The following SDC2 variants were observed in gnomAD, a reference collection of about 807,000 sequenced individuals.
SDC2 encodes syndecan 2.
SDC2 carries 13 observed loss-of-function variants against 22.2 expected under a neutral mutation model. The observed-to-expected ratio is 0.59, with a 90% CI of 0.38 to 0.93. The LOEUF is 0.93. SDC2 is among the 40% of genes least tolerant of loss of function. The pLI is 0.00. For missense variants in SDC2, 235 were observed against 246.8 expected (o/e 0.95, Z 0.32); for synonymous variants, 94 against 92.8 (o/e 1.01, Z -0.07).
At position 96,502,428 on chromosome 8, in the gene SDC2, A is replaced by G. The variant is rs141985575; in HGVS notation, c.60+8097A>G. ...TATATTTTCTGATACAAGCCAGTGT[A>G]ACATAAAGAACAGCTGCGTGGTAAA... On this transcript the variant is annotated intron_variant, in intron 1 of 4. Transcript: ENST00000302190. 6.2e-4 allele frequency among the ~76,000 whole-genome samples: 95 copies of G among 152,330 alleles called. 2 individuals are homozygous for G. Among genetic ancestry groups the G allele is most frequent in the Non-Finnish European group, 2.5e-4 (17 of 68,042 alleles).
rs115090781 is a variant in SDC2, at chr8:96,539,472, T to C, written c.60+45141T>C. On this transcript the variant is annotated intron_variant, in intron 1 of 4. Transcript: ENST00000302190. ...CTGGTTGAATTTATATTTTCAAAAATTATTAAATTATATTAAAGGAAGAGA... is the reference window on the plus strand; with the variant it reads ...CTGGTTGAATTTATATTTTCAAAAACTATTAAATTATATTAAAGGAAGAGA... Among the ~76,000 whole-genome samples, 1,316 of 152,344 alleles carry C rather than the reference T, an allele frequency of 8.6e-3. 25 individuals carry two copies. The highest frequency in any genetic ancestry group is 0.029 in the African/African-American group (1,197 of 41,572).
rs183261100 is a variant in SDC2, at chr8:96,575,143, G to A, written c.61-18337G>A. On this transcript the variant is annotated intron_variant, in intron 1 of 4. Transcript: ENST00000302190. ...GATCGGTATTGGTCTGTGGCCTGGG[G>A]GTTGGGAACCCCTGTTCTAGACAAC... Among the ~76,000 whole-genome samples, 64 of 152,248 alleles carry A rather than the reference G, an allele frequency of 4.2e-4. 2 individuals carry two copies. The East Asian group carries it at 0.01, about 24-fold the overall frequency.
chr8:96,556,437 T>G (rs922422128), intron 1 of SDC2, among the ~76,000 whole-genome samples: 11 of 151,788 alleles, frequency 7.2e-5, no homozygotes, highest in South Asian at 2.1e-4. Context: ...TATAGATCAA[T>G]GGAACAGAAC....
intron 1 of SDC2, among the ~76,000 whole-genome samples, chr8:96,540,319 C>T (rs1813824508): frequency 2.4e-5 from 2 of 84,840 alleles, no homozygotes; most frequent in African/African-American, 6.8e-5. Flanking sequence ...TAGCAAAACC[C>T]TGTCTCTACT....
At chr8:96,593,348 G>C in intron 1 of SDC2, 132 bp from the exon 2 acceptor site, 3 of 625,766 alleles carry the variant, frequency 4.8e-6, no homozygotes, top group Non-Finnish European at 8.5e-6. Flanking sequence ...GAAGACTGTG[G>C]CCAGAGATGT....
intron 1 of SDC2, among the ~76,000 whole-genome samples, chr8:96,533,224 T>G (rs1411552363): frequency 1.3e-5 from 2 of 152,036 alleles, no homozygotes; most frequent in Non-Finnish European, 2.9e-5. Context: ...GCTTCCACAG[T>G]GTGGAAGGGG....
At chr8:96,510,089 G>A (rs567535231) in intron 1 of SDC2, among the ~76,000 whole-genome samples, 43 of 152,270 alleles carry the variant, frequency 2.8e-4, no homozygotes, top group African/African-American at 1.0e-3. Context: ...AGGGACACTC[G>A]TCCTCTTGGT....
At chr8:96,494,370 G>A (rs1287243089) in intron 1 of SDC2, 39 bp downstream of exon 1, 3 of 1,532,234 alleles carry the variant, frequency 2.0e-6, no homozygotes, top group Non-Finnish European at 2.6e-6. Context: ...GCCGTTTAGG[G>A]TGTTTGAAGC....
intron 1 of SDC2, among the ~76,000 whole-genome samples, chr8:96,583,530 G>A (rs1814629195): frequency 6.6e-6 from 1 of 151,162 alleles, no homozygotes; most frequent in African/African-American, 2.4e-5. Flanking sequence ...TGTGCTTTCT[G>A]TGCTTTCAGC....
chr8:96,603,904 T>G (rs1815034788), intron 3 of SDC2, among the ~76,000 whole-genome samples: 1 of 152,162 alleles, frequency 6.6e-6, no homozygotes, highest in Non-Finnish European at 1.5e-5. Flanking sequence ...GCTGGATCCA[T>G]GCATAAAAGC....
chr8:96,569,584 A>G (rs189527895), intron 1 of SDC2, among the ~76,000 whole-genome samples: 2 of 152,364 alleles, frequency 1.3e-5, no homozygotes, highest in Admixed American at 6.5e-5. Context: ...TGAAGCTGTA[A>G]AAGTTGGAGT....
At chr8:96,512,005 C>T (rs990469739) in intron 1 of SDC2, among the ~76,000 whole-genome samples, 10 of 152,198 alleles carry the variant, frequency 6.6e-5, no homozygotes, top group East Asian at 3.8e-4. Flanking sequence ...TGTGCTCACA[C>T]GCAGTTCTTA....
intron 1 of SDC2, among the ~76,000 whole-genome samples, chr8:96,529,919 C>CTA (rs1399469630): frequency 3.3e-5 from 5 of 152,156 alleles, no homozygotes; most frequent in African/African-American, 1.2e-4. Context: ...GTTCCTCAGG[C>CTA]ATTACCGCCT....
At chr8:96,576,621 G>A (rs1003615492) in intron 1 of SDC2, among the ~76,000 whole-genome samples, 9 of 146,466 alleles carry the variant, frequency 6.1e-5, no homozygotes, top group African/African-American at 7.6e-5. Flanking sequence ...GGGTTTCACC[G>A]TTTTAGCCGG....
chr8:96,534,110 G>A (rs922945094), intron 1 of SDC2, among the ~76,000 whole-genome samples: 1 of 152,222 alleles, frequency 6.6e-6, no homozygotes, highest in Non-Finnish European at 1.5e-5. Context: ...AGAGTGCGGG[G>A]CCTGCCGAGC....
At chr8:96,599,939 G>A (rs561514805) in intron 2 of SDC2, among the ~76,000 whole-genome samples, 23 of 152,226 alleles carry the variant, frequency 1.5e-4, no homozygotes, top group African/African-American at 4.8e-4. Context: ...TCAGGAGCTC[G>A]AGACCAACCT....
intron 1 of SDC2, among the ~76,000 whole-genome samples, chr8:96,590,899 G>A (rs1157962372): frequency 6.6e-6 from 1 of 152,150 alleles, no homozygotes; most frequent in Non-Finnish European, 1.5e-5. Flanking sequence ...CGGGAGCCCT[G>A]TAGACCCCAA....
At chr8:96,563,106 C>T (rs758414282) in intron 1 of SDC2, among the ~76,000 whole-genome samples, 4 of 152,168 alleles carry the variant, frequency 2.6e-5, no homozygotes, top group Non-Finnish European at 5.9e-5. Context: ...TCTCAGACAC[C>T]TCAGCGAGGT....
At chr8:96,571,865 T>C (rs1814400954) in intron 1 of SDC2, among the ~76,000 whole-genome samples, 1 of 152,254 alleles carries the variant, frequency 6.6e-6, no homozygotes, top group Non-Finnish European at 1.5e-5. Context: ...ATAGTATCAT[T>C]AGCGCCTTTG....
Sources: gnomAD v4.1 joint callset for allele counts (sites outside exome capture counted in the v4.1 genomes callset) on GRCh38, gnomAD v4.1.1 for gene constraint, MANE v1.5 for transcripts, NCBI Gene and HGNC (gene_info 2026-07-23, HGNC 2026-07-21) for gene names.